ULK4: variants seen among roughly 807,000 people sequenced by gnomAD.
The protein encoded by ULK4 is inactive serine/threonine-protein kinase ULK4.
ULK4 carries 133 observed loss-of-function variants against 160.6 expected under a neutral mutation model. The ratio of observed to expected loss-of-function variants is 0.83; its 90% confidence interval spans 0.72 to 0.96. The LOEUF is 0.96. ULK4 is among the 40% of genes least tolerant of loss of function. ULK4 has a pLI of 0.00. For missense variants in ULK4, 1,580 were observed against 1,499.5 expected (o/e 1.05, Z -0.89); for synonymous variants, 534 against 539.8 (o/e 0.99, Z 0.15).
At chr3:41,537,407 T>C (rs576006388) in intron 32 of ULK4, among the ~76,000 whole-genome samples, 7 of 152,304 alleles carry the variant, frequency 4.6e-5, no homozygotes, top group Middle Eastern at 3.4e-3. Flanking sequence ...GGTTCTTCCA[T>C]AGAAAAACCA....
intron 11 of ULK4, among the ~76,000 whole-genome samples, chr3:41,910,500 G>A (rs2148802223): frequency 6.6e-6 from 1 of 152,128 alleles, no homozygotes; most frequent in East Asian, 1.9e-4. Flanking sequence ...GGAGGCTGAG[G>A]CAGGAGAATT....
At chr3:41,728,084 G>A (rs957832107) in intron 22 of ULK4, among the ~76,000 whole-genome samples, 2 of 152,124 alleles carry the variant, frequency 1.3e-5, no homozygotes, top group African/African-American at 2.4e-5. Context: ...TTAACGTTTC[G>A]GTAGCACATG....
chr3:41,393,023 G>A (rs570814385), intron 35 of ULK4, among the ~76,000 whole-genome samples: 1 of 152,272 alleles, frequency 6.6e-6, no homozygotes, highest in African/African-American at 2.4e-5. Context: ...TGGCAGGGCT[G>A]TGTGGAGAAG....
chr3:41,835,687 TAGAA>T (rs1159923099), intron 18 of ULK4, among the ~76,000 whole-genome samples, 173 bp downstream of exon 18: 1 of 152,124 alleles, frequency 6.6e-6, no homozygotes, highest in Non-Finnish European at 1.5e-5. Context: ...CAGGGTAAGA[TAGAA>T]AGAGGCTGAG....
chr3:41,772,986 T>G (rs1014322081), intron 21 of ULK4, among the ~76,000 whole-genome samples: 1 of 152,172 alleles, frequency 6.6e-6, no homozygotes, highest in African/African-American at 2.4e-5. Flanking sequence ...ATTATCTCAA[T>G]AGATGCAGAA....
At chr3:41,663,284 ATTGAGAT>A in intron 30 of ULK4, among the ~76,000 whole-genome samples, 1 of 152,300 alleles carries the variant, frequency 6.6e-6, no homozygotes, top group Non-Finnish European at 1.5e-5. Context: ...GATAAATACT[ATTGAGAT>A]TTAATAAACT....
At chr3:41,868,063 T>C (rs1696961281) in intron 17 of ULK4, among the ~76,000 whole-genome samples, 1 of 152,214 alleles carries the variant, frequency 6.6e-6, no homozygotes, top group Non-Finnish European at 1.5e-5. Flanking sequence ...GACTATTCAG[T>C]ATGCTTTCAA....
chr3:41,361,777 A>G (rs2081150002), intron 35 of ULK4, among the ~76,000 whole-genome samples: 1 of 152,224 alleles, frequency 6.6e-6, no homozygotes, highest in South Asian at 2.1e-4. Context: ...TGATATGATG[A>G]ATTTTCATTC....
intron 19 of ULK4, among the ~76,000 whole-genome samples, chr3:41,802,427 G>C (rs1288728280): frequency 6.6e-6 from 1 of 152,046 alleles, no homozygotes; most frequent in East Asian, 1.9e-4. Flanking sequence ...CTCCCAAGCA[G>C]CTGGGACAAG....
chr3:41,721,362 ATTTTTTTTT>A (rs1192444773), intron 22 of ULK4, among the ~76,000 whole-genome samples: 1 of 27,956 alleles, frequency 3.6e-5, no homozygotes, highest in African/African-American at 1.9e-4. Flanking sequence ...ATATATATAT[ATTTTTTTTT>A]TTTTTTTTTT....
At chr3:41,771,341 G>A (rs1159055182) in intron 21 of ULK4, among the ~76,000 whole-genome samples, 8 of 152,064 alleles carry the variant, frequency 5.3e-5, no homozygotes, top group African/African-American at 9.7e-5. Flanking sequence ...AGAAGAAATA[G>A]GATGAAATAA....
chr3:41,425,709 C>T (rs1055304916), intron 34 of ULK4, among the ~76,000 whole-genome samples: 1 of 152,090 alleles, frequency 6.6e-6, no homozygotes. Context: ...AAGTAAAATC[C>T]TTTTCAGACA....
chr3:41,811,300 G>T (rs1222471725), intron 19 of ULK4, among the ~76,000 whole-genome samples: 1 of 152,090 alleles, frequency 6.6e-6, no homozygotes, highest in Non-Finnish European at 1.5e-5. Context: ...GGGCTCAAAC[G>T]ATCCTACTAA....
intron 30 of ULK4, among the ~76,000 whole-genome samples, chr3:41,657,840 C>T (rs1037136653): frequency 5.9e-5 from 5 of 85,438 alleles, no homozygotes; most frequent in Admixed American, 2.2e-4. Flanking sequence ...AAAAAACACA[C>T]ACCACTGATA....
chr3:41,748,008 T>C (rs2038476200), intron 22 of ULK4, among the ~76,000 whole-genome samples: 1 of 152,126 alleles, frequency 6.6e-6, no homozygotes, highest in South Asian at 2.1e-4. Context: ...AAGTTTATCC[T>C]AACATTTTTG....
intron 22 of ULK4, among the ~76,000 whole-genome samples, chr3:41,734,578 GAA>G (rs910072836): frequency 6.6e-6 from 1 of 151,452 alleles, no homozygotes; most frequent in Non-Finnish European, 1.5e-5. Context: ...TGATGAAAGA[GAA>G]AAAAAAGAAG....
chr3:41,544,699 C>T (rs1559381848), intron 32 of ULK4, among the ~76,000 whole-genome samples: 1 of 152,106 alleles, frequency 6.6e-6, no homozygotes. Flanking sequence ...ATTGACTTTC[C>T]CCCTCAGATG....
chr3:41,385,227 A>T (rs2081778128), intron 35 of ULK4, among the ~76,000 whole-genome samples: 1 of 152,198 alleles, frequency 6.6e-6, no homozygotes, highest in African/African-American at 2.4e-5. Context: ...TCTTGATTAC[A>T]CAGGTGCCCG....
intron 17 of ULK4, among the ~76,000 whole-genome samples, chr3:41,877,473 T>C (rs1018631122): frequency 6.6e-6 from 1 of 151,810 alleles, no homozygotes; most frequent in Non-Finnish European, 1.5e-5. Context: ...ATTACAGGCG[T>C]GCATCACTAT....
Sources: allele counts gnomAD v4.1 joint callset (sites outside exome capture counted in the v4.1 genomes callset), GRCh38; gene constraint gnomAD v4.1.1; transcripts MANE v1.5; gene names NCBI Gene and HGNC (gene_info 2026-07-23, HGNC 2026-07-21).